The following ARAP2 variants were observed in gnomAD, a reference collection of about 807,000 sequenced individuals.
The protein encoded by ARAP2 is ArfGAP with RhoGAP domain, ankyrin repeat and PH domain 2, also known as arf-GAP with Rho-GAP domain, ANK repeat and PH domain-containing protein 2.
Under a neutral mutation model 194.5 loss-of-function variants are expected in ARAP2, and 148 were observed. The observed-to-expected ratio is 0.76, with a 90% confidence interval of 0.67 to 0.87. ARAP2 has a LOEUF of 0.87. Among genes scored for constraint, ARAP2 ranks in the 40% least tolerant of loss-of-function variants. ARAP2 has a pLI of 0.00. For synonymous variants in ARAP2, 695 were observed against 683.5 expected (o/e 1.02, Z -0.26); for missense variants, 2,128 against 1,989.7 (o/e 1.07, Z -1.32).
Position 36,229,589 on chromosome 4 carries a change from C to A in ARAP2, c.-103G>T. ...CTGGCTTTTCCTCTATCAATTGTGACAGAAAAGTTTCTTAAAATGTTATTT... is the reference window on the plus strand; with the variant it reads ...CTGGCTTTTCCTCTATCAATTGTGAAAGAAAAGTTTCTTAAAATGTTATTT... On this transcript the variant is annotated 5_prime_UTR_variant, in exon 2 of 33. Transcript: ENST00000303965. The A allele has an allele frequency of 1.1e-6, 1 of 892,998 alleles. No homozygotes were observed. The highest frequency in any genetic ancestry group is 2.5e-5 in the East Asian group (1 of 40,058). 55.3% of individuals were successfully genotyped at this position (892,998 alleles called of 1,614,324 possible).
chr4:36,124,104 G>A (rs1180887956), intron 22 of ARAP2, among the ~76,000 whole-genome samples: 1 of 151,828 alleles, frequency 6.6e-6, no homozygotes, highest in Non-Finnish European at 1.5e-5. Context: ...TAAATGAGAA[G>A]TAGTGGTTGG....
At chr4:36,193,670 AT>A in intron 6 of ARAP2, 23 bp from the exon 7 acceptor site, 1 of 1,557,108 alleles carries the variant, frequency 6.4e-7, no homozygotes, top group Non-Finnish European at 8.8e-7. Context: ...TGAAATTGTT[AT>A]TTTACATTCA....
At chr4:36,168,224 G>C (rs1735731865) in intron 9 of ARAP2, among the ~76,000 whole-genome samples, 1 of 152,136 alleles carries the variant, frequency 6.6e-6, no homozygotes, top group African/African-American at 2.4e-5. Context: ...GGAAGAGGAG[G>C]GGCCGAAAAG....
chr4:36,054,859 T>TAGA (rs1463096832), intron 2 of ARAP2, among the ~76,000 whole-genome samples: 1 of 152,180 alleles, frequency 6.6e-6, no homozygotes, highest in African/African-American at 2.4e-5. Context: ...TAGGGCATAA[T>TAGA]AGAAGATCCC....
intron 9 of ARAP2, among the ~76,000 whole-genome samples, chr4:36,175,870 T>C (rs560768593): frequency 5.9e-5 from 9 of 152,186 alleles, no homozygotes; most frequent in Non-Finnish European, 5.9e-5. Context: ...CAACCTATTA[T>C]TGCACTGACC....
At chr4:36,117,158 A>G in intron 24 of ARAP2, 23 bp from the exon 25 acceptor site, 1 of 1,522,686 alleles carries the variant, frequency 6.6e-7, no homozygotes. Flanking sequence ...AGAGGTAGAA[A>G]CAACACAGAT....
At chr4:36,106,223 G>A (rs1718382784) in intron 27 of ARAP2, among the ~76,000 whole-genome samples, 1 of 151,912 alleles carries the variant, frequency 6.6e-6, no homozygotes, top group Non-Finnish European at 1.5e-5. Flanking sequence ...TCATACATGT[G>A]CATTCACATC....
chr4:36,027,087 A>T (rs747732169), intron 5 of ARAP2, among the ~76,000 whole-genome samples: 1 of 152,154 alleles, frequency 6.6e-6, no homozygotes, highest in South Asian at 2.1e-4. Context: ...ATTCTTTTAA[A>T]TCTTTTGCAA....
chr4:36,084,119 T>C (rs1053223897), intron 28 of ARAP2, among the ~76,000 whole-genome samples: 6 of 152,064 alleles, frequency 3.9e-5, no homozygotes, highest in East Asian at 1.9e-4. Flanking sequence ...TTTGAGGTTT[T>C]GGAACTCGGA....
At chr4:36,063,123 A>C (rs772644743), downstream of ARAP2, among the ~76,000 whole-genome samples, 1 of 152,240 alleles carries the variant, frequency 6.6e-6, no homozygotes, top group Non-Finnish European at 1.5e-5. Context: ...CTGAGAAAAA[A>C]TTCAAAGAAA....
intron 21 of ARAP2, 46 bp downstream of exon 21, chr4:36,128,487 C>CACACAA: frequency 7.0e-7 from 1 of 1,427,948 alleles, no homozygotes; most frequent in Non-Finnish European, 9.9e-7. Context: ...TACACACACA[C>CACACAA]ACACACACAC....
At chr4:36,073,982 C>A in intron 31 of ARAP2, 159 bp from the exon 32 acceptor site, 1 of 926,954 alleles carries the variant, frequency 1.1e-6, no homozygotes, top group Non-Finnish European at 1.6e-6. Flanking sequence ...GTGGCAGCAT[C>A]GCTCCAGGAC....
At chr4:36,091,389 G>A (rs1286714893) in intron 28 of ARAP2, among the ~76,000 whole-genome samples, 1 of 151,514 alleles carries the variant, frequency 6.6e-6, no homozygotes, top group East Asian at 1.9e-4. Flanking sequence ...GATCTTTTAG[G>A]GAAATAAATT....
In ARAP2 at chr4:36,058,559, C is replaced by T. The variant is rs569245757; in HGVS notation, n.148-416G>A. Among the ~76,000 whole-genome samples, 18 of 152,330 alleles carry T rather than the reference C, an allele frequency of 1.2e-4. 1 individual carries two copies. Among genetic ancestry groups the T allele is most frequent in the African/African-American group, 4.3e-4 (18 of 41,582 alleles). On this transcript the variant is annotated intron_variant and non_coding_transcript_variant, in intron 1 of 12. Transcript: ENST00000503225. ...TCAGAATCTGGCCACCCCTATTCCT[C>T]ATTCCAGCAACAGCCGAGTTTGTTT...
intron 13 of ARAP2, chr4:36,159,832 A>G (rs1433921926): frequency 5.9e-6 from 1 of 168,792 alleles, no homozygotes; most frequent in East Asian, 1.6e-4. Context: ...GAGAATCAAA[A>G]TATTTCAATA....
intron 15 of ARAP2, among the ~76,000 whole-genome samples, chr4:36,155,462 A>C (rs545160305): frequency 1.4e-4 from 22 of 152,092 alleles, no homozygotes; most frequent in South Asian, 1.0e-3. Flanking sequence ...CCCTCTTTGC[A>C]TAGGGAACAG....
intron 9 of ARAP2, among the ~76,000 whole-genome samples, chr4:36,175,689 G>T (rs563043543): frequency 1.6e-4 from 24 of 152,202 alleles, no homozygotes; most frequent in African/African-American, 4.1e-4. Flanking sequence ...GCATAGAAAA[G>T]AACTTGTATA....
chr4:36,132,987 T>C (rs1455983004), intron 20 of ARAP2, among the ~76,000 whole-genome samples: 2 of 151,760 alleles, frequency 1.3e-5, no homozygotes, highest in African/African-American at 4.8e-5. Context: ...ATTATTTCAA[T>C]GTTATGTAAT....
intron 15 of ARAP2, among the ~76,000 whole-genome samples, chr4:36,156,350 A>G (rs868312339): frequency 9.3e-5 from 1 of 10,696 alleles, no homozygotes; most frequent in Non-Finnish European, 2.1e-4. Context: ...AGAGAGAGAG[A>G]GAGAGAGGGA....
Sources: allele counts gnomAD v4.1 joint callset (sites outside exome capture counted in the v4.1 genomes callset), GRCh38; gene constraint gnomAD v4.1.1; transcripts MANE v1.5; gene names NCBI Gene and HGNC (gene_info 2026-07-23, HGNC 2026-07-21).